The following GPAT4 variants were observed in gnomAD, a reference collection of about 807,000 sequenced individuals.
GPAT4 encodes the protein glycerol-3-phosphate acyltransferase 4.
In GPAT4, 17 loss-of-function variants were observed where a neutral mutation model predicts 58.0. The observed-to-expected ratio is 0.29, with a 90% CI of 0.20 to 0.44. The LOEUF is 0.44. GPAT4 is among the 20% of genes least tolerant of loss of function. The pLI, the probability that GPAT4 is intolerant of heterozygous loss-of-function variation, is 1.00. For synonymous variants in GPAT4, 204 were observed against 210.1 expected (o/e 0.97, Z 0.25); for missense variants, 377 against 574.5 (o/e 0.66, Z 3.51).
At chr8:41,582,157 C>T (rs987741193) in intron 1 of GPAT4, among the ~76,000 whole-genome samples, 1 of 151,640 alleles carries the variant, frequency 6.6e-6, no homozygotes, top group African/African-American at 2.4e-5. Flanking sequence ...GCATGCGCCA[C>T]CACGCCCAGT....
chr8:41,623,055 C>T lies in GPAT4; in HGVS notation c.*2054C>T, dbSNP rs1308510118. 1 of 152,224 alleles carries T rather than the reference C, an allele frequency of 6.6e-6. No individual in the cohort carries two copies. Among genetic ancestry groups the T allele is most frequent in the Non-Finnish European group, 1.5e-5 (1 of 68,038 alleles). 9.4% of individuals were successfully genotyped at this position (152,224 alleles called of 1,614,324 possible). A position where few individuals can be genotyped will look rare whatever the true frequency, so the allele number is the denominator to read the frequency against. On this transcript the variant is annotated 3_prime_UTR_variant, in exon 13 of 13. Coordinates refer to ENST00000396987, the MANE Select transcript of GPAT4 (RefSeq NM_178819.4). The stretch of plus-strand genomic sequence containing the variant: ...ACACACACACAGGTTTTGCTTTTGT[C>T]TCACATTCAGCACAGCTGTCTGCGG...
chr8:41,601,777 C>G (rs1310792679), intron 2 of GPAT4, among the ~76,000 whole-genome samples: 4 of 152,144 alleles, frequency 2.6e-5, no homozygotes, highest in Admixed American at 2.6e-4. Context: ...TAGCCAAATC[C>G]TTTGTATTGT....
In GPAT4 at chr8:41,598,585, A is replaced by G. The variant is rs1802992805; in HGVS notation, c.-555A>G. On this transcript the variant is annotated 5_prime_UTR_variant, in exon 2 of 13. The change abolishes the stop of an existing upstream ORF in the 5' untranslated region. Coordinates refer to ENST00000396987, the MANE Select transcript of GPAT4 (RefSeq NM_178819.4). ...GGTTCTCGGCTTATGAAGGAATTTT[A>G]AGTAAAACAGTTATTTAATTTCCAC... 1 of 152,294 alleles carries G rather than the reference A, an allele frequency of 6.6e-6. No homozygotes were observed. Among genetic ancestry groups the G allele is most frequent in the Admixed American group, 6.5e-5 (1 of 15,278 alleles). The allele number at this position is 152,294 out of a possible 1,614,324, so 9.4% of individuals were successfully genotyped here.
intron 1 of GPAT4, among the ~76,000 whole-genome samples, chr8:41,588,651 C>A (rs1470929911): frequency 6.6e-6 from 1 of 152,150 alleles, no homozygotes; most frequent in East Asian, 1.9e-4. Context: ...CTTTTCACCG[C>A]TGAACAACAG....
intron 2 of GPAT4, among the ~76,000 whole-genome samples, chr8:41,604,427 G>T (rs1803198751): frequency 6.6e-6 from 1 of 152,196 alleles, no homozygotes. Flanking sequence ...TGCAGGTCCT[G>T]TTCATGCTGA....
intron 6 of GPAT4, 22 bp downstream of exon 6, chr8:41,612,014 A>G (rs1412952359): frequency 2.5e-6 from 4 of 1,613,244 alleles, no homozygotes; most frequent in Non-Finnish European, 3.4e-6. Context: ...TTGTATTGAT[A>G]GGAAGGGAGA....
intron 1 of GPAT4, among the ~76,000 whole-genome samples, chr8:41,583,360 T>C (rs2150479539): frequency 6.6e-6 from 1 of 152,216 alleles, no homozygotes; most frequent in East Asian, 1.9e-4. Flanking sequence ...ACGTCCACCC[T>C]TCCCAGCTGC....
At chr8:41,584,874 A>C (rs1055550803) in intron 1 of GPAT4, 4 of 152,170 alleles carry the variant, frequency 2.6e-5, no homozygotes, top group African/African-American at 9.7e-5. Context: ...TAATGATCTT[A>C]GATAAGACCA....
chr8:41,620,774 G>T, intron 12 of GPAT4, 119 bp from the exon 13 acceptor site: 1 of 1,480,156 alleles, frequency 6.8e-7, no homozygotes, highest in African/African-American at 1.4e-5. Context: ...GAGTGCCACG[G>T]GGTACCCTGT....
rs1327322835 is a variant in GPAT4, at chr8:41,598,698, T to A, written c.-442T>A. 1 of 157,618 alleles carries A rather than the reference T, an allele frequency of 6.3e-6. No homozygotes were observed. Among genetic ancestry groups the A allele is most frequent in the African/African-American group, 2.4e-5 (1 of 41,682 alleles). The allele number at this position is 157,618 out of a possible 1,614,324, so 9.8% of individuals were successfully genotyped here. On this transcript the variant is annotated 5_prime_UTR_variant, in exon 2 of 13. Transcript: ENST00000396987. ...GGATTTTTCTGGCACCAAGTTTAATTCTTCTTCGTACTTCTGGTAGTGACA... is the reference window on the plus strand; with the variant it reads ...GGATTTTTCTGGCACCAAGTTTAATACTTCTTCGTACTTCTGGTAGTGACA...
Position 41,618,673 on chromosome 8 carries a change from A to G in GPAT4, c.1054-11A>G, listed in dbSNP as rs1474216842. On this transcript the variant is annotated splice_polypyrimidine_tract_variant and intron_variant, in intron 10 of 12. Transcript: ENST00000396987. Reference sequence around the variant, plus strand: ...ACTCATGTCTTACCTCCAGCTTTCCATTGTTTTCAGTATGACCCTCAATTT... The same window carrying G: ...ACTCATGTCTTACCTCCAGCTTTCCGTTGTTTTCAGTATGACCCTCAATTT... 4 of 1,613,644 alleles carry G rather than the reference A, an allele frequency of 2.5e-6. No homozygotes were observed. The highest frequency in any genetic ancestry group is 2.5e-6 in the Non-Finnish European group (3 of 1,179,908).
At chr8:41,613,384 T>G (rs1803499537) in intron 8 of GPAT4, among the ~76,000 whole-genome samples, 1 of 151,750 alleles carries the variant, frequency 6.6e-6, no homozygotes, top group Non-Finnish European at 1.5e-5. Flanking sequence ...AGACTCTGTC[T>G]TAAAAAAAAA....
chr8:41,593,778 T>C (rs1802854626), intron 1 of GPAT4, among the ~76,000 whole-genome samples: 1 of 152,232 alleles, frequency 6.6e-6, no homozygotes, highest in Admixed American at 6.5e-5. Flanking sequence ...TAAAAGACTT[T>C]TAGTTTAGTG....
In GPAT4 at chr8:41,611,841, G is replaced by GT. The variant is rs1803453656; in HGVS notation, c.612-61dup. ...AAGGACTGCTGAGCTGTTGAAGTCA[G>GT]TAACTCTTTCTGTCTTCCTGTATGT... On this transcript the variant is annotated intron_variant, in intron 5 of 12. Transcript: ENST00000396987. 7 of 1,523,854 alleles carry GT rather than the reference G, an allele frequency of 4.6e-6. No homozygotes were observed. In the Admixed American group the frequency reaches 1.0e-4, roughly 22 times the overall value. 94.4% of individuals were successfully genotyped at this position (1,523,854 alleles called of 1,614,324 possible).
intron 6 of GPAT4, 53 bp downstream of exon 6, chr8:41,612,045 C>A: frequency 1.2e-6 from 2 of 1,600,820 alleles, no homozygotes; most frequent in Non-Finnish European, 1.7e-6. Context: ...GGAAACACCA[C>A]CCACCTATAC....
intron 5 of GPAT4, among the ~76,000 whole-genome samples, chr8:41,611,442 TAA>T (rs1212737278): frequency 1.3e-5 from 2 of 152,248 alleles, no homozygotes; most frequent in Non-Finnish European, 2.9e-5. Flanking sequence ...ACTGTGTGGA[TAA>T]AGTGATGAGA....
rs145222803 is a variant in GPAT4 at position 41,610,779 on chromosome 8, A to G, written c.580A>G (p.Thr194Ala). Residue 194 changes from threonine (T) to alanine (A), a missense_variant, in exon 5 of 13, where the codon ACA (threonine) becomes GCA (alanine). Transcript: ENST00000396987. Reference sequence around the variant, plus strand: ...AGGGATTAGCCTTCTGGTGGTGGGCACAACTGTGGTGGGATACTTGCCAAA... The same window carrying G: ...AGGGATTAGCCTTCTGGTGGTGGGCGCAACTGTGGTGGGATACTTGCCAAA... ...FTGISLLVVG[T>A]TVVGYLPNGR... 3.2e-5 allele frequency: 51 copies of G among 1,612,270 alleles called. No individual in the cohort carries two copies. Among genetic ancestry groups the G allele is most frequent in the Non-Finnish European group, 4.1e-5 (48 of 1,179,076 alleles).
chr8:41,600,036 C>CTTTTTTTTTTTTTTTTTTT lies in GPAT4; in HGVS notation c.165+750_165+751insTTTTTTTTTTTTTTTTTTT, dbSNP rs758905649. Among the ~76,000 whole-genome samples, 305 of 100,292 alleles carry CTTTTTTTTTTTTTTTTTTT rather than the reference C, an allele frequency of 3.0e-3. 14 individuals are homozygous for CTTTTTTTTTTTTTTTTTTT. Among genetic ancestry groups the CTTTTTTTTTTTTTTTTTTT allele is most frequent in the Middle Eastern group, 8.2e-3 (1 of 122 alleles). 65.8% of individuals were successfully genotyped at this position (100,292 alleles called of 152,430 possible). On this transcript the variant is annotated intron_variant, in intron 2 of 12. Transcript: ENST00000396987. ...TGTTCATATTTTATCTTTTTCTTTT[C>CTTTTTTTTTTTTTTTTTTT]TTTTTTTTTTTTTTTTTTCGAGACA...
intron 1 of GPAT4, among the ~76,000 whole-genome samples, chr8:41,589,164 GT>G (rs1374663519): frequency 6.6e-6 from 1 of 152,238 alleles, no homozygotes; most frequent in Non-Finnish European, 1.5e-5. Context: ...TAAGCCACCA[GT>G]TACCTCTGGC....
Sources: gnomAD v4.1 joint callset for allele counts (sites outside exome capture counted in the v4.1 genomes callset) on GRCh38, gnomAD v4.1.1 for gene constraint, MANE v1.5 for transcripts, NCBI Gene and HGNC (gene_info 2026-07-23, HGNC 2026-07-21) for gene names.